Variants in USP34 observed in about 807,000 individuals in gnomAD.
The protein encoded by USP34 is ubiquitin specific peptidase 34.
USP34 carries 70 observed loss-of-function variants against 460.3 expected under a neutral mutation model. The ratio of observed to expected loss-of-function variants is 0.15; its 90% CI spans 0.13 to 0.19. USP34 has a LOEUF of 0.19. Ranked by LOEUF, USP34 falls within the 10% of genes least tolerant of loss-of-function variation. The pLI is 1.00. For missense variants in USP34, 3,985 were observed against 4,236.2 expected, an observed-to-expected ratio of 0.94 and a Z score of 1.65; for synonymous variants, 1,647 against 1,405.3, an observed-to-expected ratio of 1.17 and a Z score of -3.85.
intron 23 of USP34, 64 bp downstream of exon 23, chr2:61,317,590 A>G: frequency 1.4e-6 from 2 of 1,422,474 alleles, no homozygotes; most frequent in Non-Finnish European, 2.0e-6. Flanking sequence ...ATAATTTGGA[A>G]ACCGAATTTG....
At chr2:61,367,971 T>C in intron 10 of USP34, among the ~76,000 whole-genome samples, 1 of 152,166 alleles carries the variant, frequency 6.6e-6, no homozygotes, top group Non-Finnish European at 1.5e-5. Flanking sequence ...TTAAAAATAT[T>C]ACAAAGAGGC....
At chr2:61,368,260 G>A (rs796923319) in intron 10 of USP34, among the ~76,000 whole-genome samples, 8 of 152,134 alleles carry the variant, frequency 5.3e-5, no homozygotes, top group South Asian at 2.1e-4. Flanking sequence ...GGTGAAACCC[G>A]GTCTCTACTA....
At chr2:61,265,137 C>T (rs1689009796) in intron 43 of USP34, 1 of 297,152 alleles carries the variant, frequency 3.4e-6, no homozygotes, top group South Asian at 9.7e-5. Flanking sequence ...TTACTGACAA[C>T]ATGATATTCA....
intron 41 of USP34, among the ~76,000 whole-genome samples, chr2:61,271,826 C>T (rs1421590147): frequency 6.6e-6 from 1 of 152,050 alleles, no homozygotes; most frequent in Admixed American, 6.6e-5. Context: ...CCAAATTCTG[C>T]ATGAAATTCA....
At chr2:61,378,511 G>A in intron 7 of USP34, 87 bp from the exon 8 acceptor site, 1 of 770,344 alleles carries the variant, frequency 1.3e-6, no homozygotes, top group South Asian at 1.8e-5. Context: ...TAAACTGATT[G>A]ACATATGTAG....
Position 61,205,643 on chromosome 2 carries a change from T to C in USP34, c.9154+374A>G, listed in dbSNP as rs139497865. Among the ~76,000 whole-genome samples, 654 of 152,336 alleles carry C rather than the reference T, an allele frequency of 4.3e-3. 3 individuals are homozygous for C. The highest frequency in any genetic ancestry group is 0.013 in the African/African-American group (555 of 41,584). ...GAGCCTAAGGACAGCTACTGAGAAG[T>C]ATCTTTAGGCAAAAGAACTCACAGT... is the stretch of plus-strand genomic sequence containing the variant. On this transcript the variant is annotated intron_variant, in intron 72 of 79. Transcript: ENST00000398571.
intron 10 of USP34, among the ~76,000 whole-genome samples, chr2:61,351,676 G>A (rs1369567042): frequency 6.6e-6 from 1 of 152,058 alleles, no homozygotes; most frequent in African/African-American, 2.4e-5. Flanking sequence ...CTCTTCTGCT[G>A]CTTCTCTTTC....
intron 53 of USP34, among the ~76,000 whole-genome samples, chr2:61,237,341 G>A (rs1330262410): frequency 1.3e-5 from 2 of 152,080 alleles, no homozygotes; most frequent in African/African-American, 4.8e-5. Context: ...CATGGGCTCA[G>A]TTGTAGATTC....
chr2:61,262,718 C>T (rs1490336908), intron 43 of USP34, among the ~76,000 whole-genome samples: 3 of 152,098 alleles, frequency 2.0e-5, no homozygotes, highest in Admixed American at 6.5e-5. Context: ...ATAGCTGAGC[C>T]GAATAGTAAT....
chr2:61,348,510 A>C (rs752711025), intron 14 of USP34, 30 bp from the exon 15 acceptor site: 1 of 1,586,872 alleles, frequency 6.3e-7, no homozygotes, highest in Admixed American at 1.8e-5. Flanking sequence ...GATTTAAATA[A>C]ATATTTAAAC....
chr2:61,392,325 C>CAA (rs1693373962), intron 5 of USP34, among the ~76,000 whole-genome samples: 1 of 152,048 alleles, frequency 6.6e-6, no homozygotes, highest in East Asian at 1.9e-4. Flanking sequence ...AAAACAAAAA[C>CAA]AAAACAAAGG....
intron 2 of USP34, among the ~76,000 whole-genome samples, chr2:61,411,284 A>G (rs183895505): frequency 0.011 from 1,602 of 152,126 alleles, 11 homozygotes; most frequent in Non-Finnish European, 0.017. Flanking sequence ...CAGGAGGCAA[A>G]GATAAGAGGA....
chr2:61,244,901 C>G (rs1238978078), intron 51 of USP34, among the ~76,000 whole-genome samples: 2 of 151,902 alleles, frequency 1.3e-5, no homozygotes, highest in East Asian at 3.8e-4. Context: ...TCTCTTTGCT[C>G]TGATCCCACA....
intron 49 of USP34, 84 bp downstream of exon 49, chr2:61,248,427 G>C: frequency 1.7e-5 from 24 of 1,392,466 alleles, no homozygotes; most frequent in Non-Finnish European, 2.3e-5. Flanking sequence ...TAACTGTGTA[G>C]TTGATGACAA....
chr2:61,220,714 T>C (rs1188939747), intron 66 of USP34, among the ~76,000 whole-genome samples: 1 of 152,222 alleles, frequency 6.6e-6, no homozygotes, highest in Non-Finnish European at 1.5e-5. Context: ...ATATGAGAAC[T>C]CCATAACTTC....
intron 3 of USP34, among the ~76,000 whole-genome samples, chr2:61,399,380 G>A (rs1693640995): frequency 6.6e-6 from 1 of 151,684 alleles, no homozygotes; most frequent in Admixed American, 6.6e-5. Context: ...ATCCTGGTAT[G>A]CAGTGTTACT....
chr2:61,214,157 C>A lies in USP34; in HGVS notation c.8585G>T (p.Cys2862Phe). ...PAYYGILRLC[C>F]EQSPAFTRQL... ...TCGTGTGAATGCAGGAGACTGCTCA[C>A]AGCAGAGCCTCAGAATGCCATAGTA... is the stretch of plus-strand genomic sequence containing the variant. The change falls in exon 68 of 80, where the codon TGT becomes TTT. Residue 2862 changes from cysteine to phenylalanine, a missense_variant. Cys to Phe is a radical substitution (Grantham distance 205). Transcript: ENST00000398571. 6.2e-7 allele frequency: 1 copy of A among 1,614,242 alleles called. No individual in the cohort carries two copies. The highest frequency in any genetic ancestry group is 8.5e-7 in the Non-Finnish European group (1 of 1,180,046).
At chr2:61,371,445 A>T (rs1692622733) in intron 8 of USP34, among the ~76,000 whole-genome samples, 1 of 33,180 alleles carries the variant, frequency 3.0e-5, no homozygotes, top group Non-Finnish European at 7.2e-5. Flanking sequence ...TTAAAAAGTT[A>T]AAAAAAAAAA....
intron 5 of USP34, among the ~76,000 whole-genome samples, chr2:61,386,510 G>A (rs1483253337): frequency 6.6e-6 from 1 of 152,130 alleles, no homozygotes; most frequent in East Asian, 1.9e-4. Context: ...AACAACTTTG[G>A]CCGGGCACGG....
Sources: allele counts gnomAD v4.1 joint callset (sites outside exome capture counted in the v4.1 genomes callset), GRCh38; gene constraint gnomAD v4.1.1; transcripts MANE v1.5; gene names NCBI Gene and HGNC (gene_info 2026-07-23, HGNC 2026-07-21).